The following CACHD1 variants were observed in gnomAD, a reference collection of about 807,000 sequenced individuals.
CACHD1 encodes the protein cache domain containing 1.
A neutral mutation model predicts 138.7 loss-of-function variants in CACHD1; 71 were observed. The ratio of observed to expected loss-of-function variants is 0.51; its 90% confidence interval spans 0.42 to 0.62. The LOEUF (loss-of-function observed/expected upper bound fraction) is 0.62, where lower values mean the gene tolerates loss of function less well. Among genes scored for constraint, CACHD1 ranks in the 20% least tolerant of loss-of-function variants. The pLI, the probability that CACHD1 is intolerant of heterozygous loss-of-function variation, is 0.00. For synonymous variants in CACHD1, 578 were observed against 591.5 expected, an observed-to-expected ratio of 0.98 and a Z score of 0.33; for missense variants, 1,389 against 1,625.3, an observed-to-expected ratio of 0.85 and a Z score of 2.50.
chr1:64,676,650 G>A (rs143311766), intron 21 of CACHD1, among the ~76,000 whole-genome samples: 33 of 152,276 alleles, frequency 2.2e-4, no homozygotes, highest in African/African-American at 7.2e-4. Context: ...TTTTGTTGCT[G>A]TAGTAGTACT....
At chr1:64,513,962 G>C (rs1641156881) in intron 1 of CACHD1, among the ~76,000 whole-genome samples, 1 of 152,194 alleles carries the variant, frequency 6.6e-6, no homozygotes, top group Admixed American at 6.5e-5. Context: ...GGTTAAATTA[G>C]GTTGCCAGTT....
In CACHD1 at chr1:64,641,749, G is replaced by C. The variant is rs528529915; in HGVS notation, c.1007-71G>C. On this transcript the variant is annotated intron_variant, in intron 7 of 26. Coordinates refer to ENST00000651257, the MANE Select transcript of CACHD1 (RefSeq NM_020925.4). ...TCGAGGTGGGGAAGTCCAAGGACAT[G>C]AACAGGAAACTGAACTGCTGCCTTT... The C allele has an allele frequency of 1.5e-5, 19 of 1,259,006 alleles. No homozygotes were observed. In the African/African-American group the frequency reaches 2.6e-4, roughly 17 times the overall value. 78.0% of individuals were successfully genotyped at this position (1,259,006 alleles called of 1,614,324 possible). A position where few individuals can be genotyped will look rare whatever the true frequency, so the allele number is the denominator to read the frequency against.
At chr1:64,535,773 C>T (rs905764329) in intron 1 of CACHD1, among the ~76,000 whole-genome samples, 1 of 152,168 alleles carries the variant, frequency 6.6e-6, no homozygotes, top group Non-Finnish European at 1.5e-5. Context: ...CTCAGGGCCA[C>T]CTCCATGAGT....
chr1:64,657,289 C>T (rs527763372), intron 12 of CACHD1, among the ~76,000 whole-genome samples: 1 of 152,086 alleles, frequency 6.6e-6, no homozygotes, highest in Non-Finnish European at 1.5e-5. Context: ...CTATTTTTTT[C>T]AGCTAAGAAC....
chr1:64,471,868 T>C (rs1378321886), intron 1 of CACHD1, among the ~76,000 whole-genome samples: 1 of 152,212 alleles, frequency 6.6e-6, no homozygotes, highest in Non-Finnish European at 1.5e-5. Flanking sequence ...TAAAAATTGC[T>C]GAACACCAAC....
chr1:64,502,853 T>C (rs989163928), intron 1 of CACHD1, among the ~76,000 whole-genome samples: 2 of 152,228 alleles, frequency 1.3e-5, no homozygotes, highest in Admixed American at 1.3e-4. Context: ...CACTGAATTA[T>C]GGAAACTGAA....
chr1:64,602,548 A>C (rs1040887405), intron 3 of CACHD1, among the ~76,000 whole-genome samples: 2 of 146,452 alleles, frequency 1.4e-5, no homozygotes, highest in African/African-American at 5.1e-5. Context: ...GTACTGACTT[A>C]AGTTCATTGG....
chr1:64,670,284 T>C (rs999670299), intron 16 of CACHD1, among the ~76,000 whole-genome samples: 8 of 152,198 alleles, frequency 5.3e-5, no homozygotes, highest in African/African-American at 1.7e-4. Flanking sequence ...ACAAAAATGA[T>C]AAATACATTT....
chr1:64,627,520 G>A (rs898108193), intron 4 of CACHD1, among the ~76,000 whole-genome samples: 3 of 152,066 alleles, frequency 2.0e-5, no homozygotes, highest in Non-Finnish European at 4.4e-5. Flanking sequence ...GTAGACCATC[G>A]TCTTACCTTC....
intron 1 of CACHD1, among the ~76,000 whole-genome samples, chr1:64,545,086 C>T (rs1646708396): frequency 6.6e-6 from 1 of 152,014 alleles, no homozygotes; most frequent in Non-Finnish European, 1.5e-5. Context: ...TTATAATAGC[C>T]CAGTTACTAG....
intron 1 of CACHD1, chr1:64,506,130 G>A (rs903343847): frequency 6.6e-6 from 1 of 152,184 alleles, no homozygotes; most frequent in Non-Finnish European, 1.5e-5. Context: ...GCCTTCTTAA[G>A]TGCCAGGTGC....
rs186746257 is a variant in CACHD1 at position 64,592,089 on chromosome 1, C to T, written c.410+9785C>T. Among the ~76,000 whole-genome samples, 297 of 152,272 alleles carry T rather than the reference C, an allele frequency of 2.0e-3. 2 individuals are homozygous for T. The highest frequency in any genetic ancestry group is 6.9e-3 in the African/African-American group (285 of 41,568). On this transcript the variant is annotated intron_variant, in intron 3 of 26. Coordinates refer to ENST00000651257, the MANE Select transcript of CACHD1 (RefSeq NM_020925.4). Reference sequence around the variant, plus strand: ...AGAAATTGAACAATATTATTAAATACTTTTTTGCCTATTCATGATAGTCAT... The same window carrying T: ...AGAAATTGAACAATATTATTAAATATTTTTTTGCCTATTCATGATAGTCAT...
In CACHD1 at chr1:64,646,536, T is replaced by G. The variant is rs374108422; in HGVS notation, c.1157-1265T>G. ...TGAGGCCAGGAGTTCGAGGCCAGCC[T>G]GGCCAACATGGTGAAACCCCGTCTT... is the stretch of plus-strand genomic sequence containing the variant. On this transcript the variant is annotated intron_variant, in intron 8 of 26. Transcript: ENST00000651257. Among the ~76,000 whole-genome samples the G allele has an allele frequency of 7.2e-5, 11 of 151,772 alleles. 1 individual carries two copies. The highest frequency in any genetic ancestry group is 5.2e-4 in the Admixed American group (8 of 15,254).
chr1:64,664,530 C>G lies in CACHD1; in HGVS notation c.2127C>G (p.Ser709Arg), dbSNP rs1649563741. 2 of 1,614,202 alleles carry G rather than the reference C, an allele frequency of 1.2e-6. No homozygotes were observed. Among genetic ancestry groups the G allele is most frequent in the Non-Finnish European group, 1.7e-6 (2 of 1,180,024 alleles). ...TCAGAAATGAAGTAATGGCTACCAG[C>G]CACGTCACAGATGAATGGATGACAC... ...FSVRNEVMAT[S>R]HVTDEWMTQM... is the part of the protein sequence containing the mutation. Residue 709 changes from serine (S) to arginine (R), a missense_variant, in exon 15 of 27, where the codon AGC (serine) becomes AGG (arginine). Ser to Arg is a moderately radical substitution (Grantham distance 110). This residue lies in a region of CACHD1 where 1,000 missense variants were observed against 1,114.7 expected (regional missense o/e 0.90). Coordinates refer to ENST00000651257, the MANE Select transcript of CACHD1 (RefSeq NM_020925.4).
chr1:64,603,190 C>T (rs541599877), intron 4 of CACHD1, among the ~76,000 whole-genome samples: 12 of 149,428 alleles, frequency 8.0e-5, no homozygotes, highest in South Asian at 4.3e-4. Flanking sequence ...CTGCAAGCTC[C>T]GCCTCCCGGG....
Position 64,675,993 on chromosome 1 carries a change from TTAATA to T in CACHD1, c.2975+11_2975+15del, listed in dbSNP as rs1390629058. ...CCAATGCAGAGAACCGGTAAAATAA[TTAATA>T]ATAATAATAATAATAATAATAATAA... is the stretch of plus-strand genomic sequence containing the variant. On this transcript the variant is annotated intron_variant, in intron 21 of 26. Transcript: ENST00000651257. 4.5e-5 allele frequency: 19 copies of T among 421,726 alleles called. No individual in the cohort carries two copies. Among genetic ancestry groups the T allele is most frequent in the Non-Finnish European group, 6.9e-5 (18 of 261,440 alleles). The allele number at this position is 421,726 out of a possible 1,614,324, so 26.1% of individuals were successfully genotyped here.
At chr1:64,527,183 C>T (rs1404021769) in intron 1 of CACHD1, among the ~76,000 whole-genome samples, 1 of 152,168 alleles carries the variant, frequency 6.6e-6, no homozygotes, top group East Asian at 1.9e-4. Context: ...CGGAGCGGCA[C>T]AGGGACAGTT....
chr1:64,617,733 C>G (rs1236731246), intron 4 of CACHD1, among the ~76,000 whole-genome samples: 1 of 152,210 alleles, frequency 6.6e-6, no homozygotes, highest in Non-Finnish European at 1.5e-5. Flanking sequence ...ATTCAGGTCA[C>G]AGGGTTTAAG....
intron 4 of CACHD1, among the ~76,000 whole-genome samples, chr1:64,618,040 A>G (rs1321533199): frequency 6.6e-6 from 1 of 150,832 alleles, no homozygotes; most frequent in African/African-American, 2.4e-5. Flanking sequence ...AGATCATGCC[A>G]TTGCGCTCCA....
Sources: allele counts gnomAD v4.1 joint callset (sites outside exome capture counted in the v4.1 genomes callset), GRCh38; gene constraint gnomAD v4.1.1; regional missense constraint gnomAD v4.1.1; transcripts MANE v1.5; gene names NCBI Gene and HGNC (gene_info 2026-07-23, HGNC 2026-07-21).